Variants in DACH2 observed in about 807,000 individuals in gnomAD.
DACH2 encodes the protein dachshund family transcription factor 2, also known as dachshund homolog 2.
A neutral mutation model predicts 35.8 loss-of-function variants in DACH2; 17 were observed. The ratio of observed to expected loss-of-function variants is 0.48; its 90% CI spans 0.33 to 0.71. The LOEUF is 0.71. Ranked by LOEUF, DACH2 falls within the 30% of genes least tolerant of loss-of-function variation. The probability of loss-of-function intolerance (pLI) is 0.02; values close to 1 mark genes in which losing one functional copy is unlikely to be tolerated. For synonymous variants in DACH2, 195 were observed against 177.3 expected, an observed-to-expected ratio of 1.10 and a Z score of -0.79; for missense variants, 469 against 472.7, an observed-to-expected ratio of 0.99 and a Z score of 0.07.
At chrX:86,650,233 T>C (rs1379958359) in intron 3 of DACH2, among the ~76,000 whole-genome samples, 1 of 107,369 alleles carries the variant, frequency 9.3e-6, no homozygotes. Context: ...TTTTAATATC[T>C]GACTTTTATT....
chrX:86,748,126 G>A (rs762386742), intron 7 of DACH2, among the ~76,000 whole-genome samples: 2 of 111,659 alleles, frequency 1.8e-5, no homozygotes, highest in Admixed American at 9.6e-5. Context: ...GTACTTTTGC[G>A]ATTTTCACAT....
At chrX:86,194,531 C>G (rs1159291306) in intron 1 of DACH2, among the ~76,000 whole-genome samples, 1 of 112,049 alleles carries the variant, frequency 8.9e-6, no homozygotes, top group Non-Finnish European at 1.9e-5. Context: ...GGCTACTGCA[C>G]ACTAGGACTC....
intron 1 of DACH2, among the ~76,000 whole-genome samples, chrX:86,325,103 A>AG (rs374102317): frequency 9.1e-6 from 1 of 110,447 alleles, no homozygotes; most frequent in African/African-American, 3.3e-5. Flanking sequence ...AAGAAAAAAA[A>AG]TTGTGACTTG....
chrX:86,538,734 C>T (rs2038838840), intron 3 of DACH2, among the ~76,000 whole-genome samples: 1 of 111,440 alleles, frequency 9.0e-6, no homozygotes, highest in Admixed American at 9.6e-5. Context: ...ACCCAAACAC[C>T]TCCCCTTAGG....
chrX:86,627,771 C>T (rs1019876227), intron 3 of DACH2, among the ~76,000 whole-genome samples: 3 of 112,161 alleles, frequency 2.7e-5, no homozygotes, highest in African/African-American at 9.7e-5. Flanking sequence ...TAATTGTGTT[C>T]ACTATATCAT....
intron 2 of DACH2, among the ~76,000 whole-genome samples, chrX:86,378,784 C>T (rs1432567687): frequency 9.0e-6 from 1 of 110,634 alleles, no homozygotes; most frequent in East Asian, 2.9e-4. Context: ...CACCTGAAGC[C>T]TTTGATCATG....
intron 1 of DACH2, among the ~76,000 whole-genome samples, chrX:86,268,433 G>A (rs750559025): frequency 1.3e-4 from 14 of 111,171 alleles, no homozygotes; most frequent in South Asian, 1.1e-3. Context: ...TTTAACCAAT[G>A]CCACATGGGA....
At chrX:86,457,942 G>C (rs180798088) in intron 2 of DACH2, among the ~76,000 whole-genome samples, 1 of 112,003 alleles carries the variant, frequency 8.9e-6, no homozygotes, top group East Asian at 2.8e-4. Flanking sequence ...ATCTCTAAAG[G>C]AGATAGTCCC....
At chrX:86,755,085 T>C (rs774076387) in intron 7 of DACH2, among the ~76,000 whole-genome samples, 1 of 111,617 alleles carries the variant, frequency 9.0e-6, no homozygotes, top group African/African-American at 3.2e-5. Flanking sequence ...CTTGCCAGCA[T>C]CTGTTATTTG....
rs1432552462 is a variant in DACH2, at chrX:86,513,258, TAGTATTTTGC to T, written c.528-1011_528-1002del. Reference sequence around the variant, plus strand: ...TTTTTGCTGCTAAAATTATTTAATATAGTATTTTGCAGTATTTTGTCAAAACTCATATCAT... The same window carrying T: ...TTTTTGCTGCTAAAATTATTTAATATAGTATTTTGTCAAAACTCATATCAT... On this transcript the variant is annotated intron_variant, in intron 2 of 11. Transcript: ENST00000373125. Among the ~76,000 whole-genome samples the T allele has an allele frequency of 3.6e-5, 4 of 112,186 alleles. No homozygotes were observed. In the Admixed American group the frequency reaches 3.8e-4, roughly 11 times the overall value.
At chrX:86,316,545 C>T (rs1304625891) in intron 1 of DACH2, among the ~76,000 whole-genome samples, 2 of 111,485 alleles carry the variant, frequency 1.8e-5, no homozygotes, top group South Asian at 3.7e-4. Flanking sequence ...CTTGAACTGT[C>T]TACCCAAATA....
At chrX:86,496,699 T>C (rs2148251913) in intron 2 of DACH2, among the ~76,000 whole-genome samples, 1 of 110,075 alleles carries the variant, frequency 9.1e-6, no homozygotes, top group East Asian at 2.9e-4. Context: ...ATGAAAAAGC[T>C]ATGGAAAGGT....
intron 3 of DACH2, among the ~76,000 whole-genome samples, chrX:86,583,043 G>T (rs2039522858): frequency 9.0e-6 from 1 of 111,537 alleles, no homozygotes; most frequent in African/African-American, 3.3e-5. Flanking sequence ...TCCCTGTGAT[G>T]CAAGGTTGAT....
At chrX:86,659,260 TA>T (rs2040578950) in intron 4 of DACH2, among the ~76,000 whole-genome samples, 1 of 111,062 alleles carries the variant, frequency 9.0e-6, no homozygotes, top group African/African-American at 3.3e-5. Flanking sequence ...GCTTAAAAAG[TA>T]AGCCAGAAGG....
chrX:86,195,593 C>G (rs1444007517), intron 1 of DACH2, among the ~76,000 whole-genome samples: 1 of 112,455 alleles, frequency 8.9e-6, no homozygotes, highest in African/African-American at 3.2e-5. Context: ...TGAGCATGCA[C>G]TCTGCCATGC....
At chrX:86,458,132 CT>C (rs1397436927) in intron 2 of DACH2, among the ~76,000 whole-genome samples, 1 of 111,914 alleles carries the variant, frequency 8.9e-6, no homozygotes, top group Non-Finnish European at 1.9e-5. Context: ...ACTCATTGCT[CT>C]TTTTATCTTC....
At chrX:86,643,172 G>T (rs866796731) in intron 3 of DACH2, among the ~76,000 whole-genome samples, 6 of 84,529 alleles carry the variant, frequency 7.1e-5, no homozygotes, top group South Asian at 1.3e-3. Flanking sequence ...TCCAGGAATT[G>T]TTTTTTTTTT....
At chrX:86,380,764 T>G (rs370535256) in intron 2 of DACH2, among the ~76,000 whole-genome samples, 21 of 110,772 alleles carry the variant, frequency 1.9e-4, no homozygotes, top group African/African-American at 6.2e-4. Context: ...TGTGTCTTTT[T>G]AAAATTATGT....
chrX:86,429,569 C>CT (rs1556136596), intron 2 of DACH2, among the ~76,000 whole-genome samples: 11 of 107,835 alleles, frequency 1.0e-4, no homozygotes, highest in Non-Finnish European at 2.1e-4. Context: ...CTTTTCTTTT[C>CT]TTTTTTTTCT....
Sources: gnomAD v4.1 joint callset for allele counts (sites outside exome capture counted in the v4.1 genomes callset) on GRCh38, gnomAD v4.1.1 for gene constraint, MANE v1.5 for transcripts, NCBI Gene and HGNC (gene_info 2026-07-23, HGNC 2026-07-21) for gene names.